Variants in SMG6 observed in about 807,000 individuals in gnomAD.
SMG6 encodes the protein SMG6 nonsense mediated mRNA decay factor.
Under a neutral mutation model 142.2 loss-of-function variants are expected in SMG6, and 66 were observed. That is an observed-to-expected ratio of 0.46 (90% CI 0.38 to 0.57). The LOEUF is 0.57. Ranked by LOEUF, SMG6 falls within the 20% of genes least tolerant of loss-of-function variation. The pLI is 0.00. For synonymous variants in SMG6, 779 were observed against 702.4 expected (o/e 1.11, Z -1.72); for missense variants, 1,793 against 1,832.0 (o/e 0.98, Z 0.39).
At chr17:2,255,812 G>T in intron 8 of SMG6, 1 of 226,822 alleles carries the variant, frequency 4.4e-6, no homozygotes, top group African/African-American at 2.4e-5. Context: ...AGTAGACATG[G>T]GAGACTTTTC....
At chr17:2,148,613 C>G (rs1006062402) in intron 13 of SMG6, among the ~76,000 whole-genome samples, 2 of 152,174 alleles carry the variant, frequency 1.3e-5, no homozygotes, top group Admixed American at 6.5e-5. Context: ...AATCCCAACA[C>G]TTTGAGAGGC....
chr17:2,183,454 A>T (rs1432778611), intron 12 of SMG6, among the ~76,000 whole-genome samples: 1 of 152,148 alleles, frequency 6.6e-6, no homozygotes, highest in East Asian at 1.9e-4. Context: ...TGAAGTCAGC[A>T]AGCTTTTTCT....
At chr17:2,194,050 C>G (rs2151704759) in intron 10 of SMG6, among the ~76,000 whole-genome samples, 1 of 152,308 alleles carries the variant, frequency 6.6e-6, no homozygotes, top group South Asian at 2.1e-4. Flanking sequence ...CTCGGTCTCC[C>G]AAAGTGCTGG....
chr17:2,276,393 G>GT lies in SMG6; in HGVS notation c.2661+6253dup, dbSNP rs149352512. Among the ~76,000 whole-genome samples, 139 of 148,332 alleles carry GT rather than the reference G, an allele frequency of 9.4e-4. 2 individuals carry two copies. Among genetic ancestry groups the GT allele is most frequent in the South Asian group, 4.7e-3 (22 of 4,670 alleles). On this transcript the variant is annotated intron_variant, in intron 8 of 18. Transcript: ENST00000263073. ...CTGCTGTTACAACTGTCCAGCAAACGTTTTTTTTTTGTTTTTGAGTTTTGC... is the reference window on the plus strand; with the variant it reads ...CTGCTGTTACAACTGTCCAGCAAACGTTTTTTTTTTTGTTTTTGAGTTTTGC...
At chr17:2,197,391 G>C (rs371943895) in intron 10 of SMG6, among the ~76,000 whole-genome samples, 1 of 151,342 alleles carries the variant, frequency 6.6e-6, no homozygotes, top group Non-Finnish European at 1.5e-5. Flanking sequence ...TAGCAAGACT[G>C]TGTCTCTAAA....
chr17:2,127,200 C>A (rs570297902), intron 13 of SMG6, among the ~76,000 whole-genome samples: 1 of 141,996 alleles, frequency 7.0e-6, no homozygotes, highest in South Asian at 2.3e-4. Flanking sequence ...GAGATACTTA[C>A]AATAGGGAAA....
rs745877086 is a variant in SMG6 at position 2,300,632 on chromosome 17, G to A, written c.121C>T (p.Arg41Cys). The change falls in exon 2 of 19, where the codon CGC becomes TGC. Residue 41 changes from arginine to cysteine, a missense_variant. Around this residue, in one of 3 missense-constraint regions of SMG6, gnomAD observed 1,597 missense variants for 1,584.6 expected, o/e 1.01. Transcript: ENST00000263073. Reference protein sequence around the residue: ...NMKELKEARPRKDNRRPDLEI... With the variant: ...NMKELKEARPCKDNRRPDLEI... ...AGATCTGGACGCCTGTTATCTTTGCGCGGCCTGGCCTCCTTTAATTCCTTC... is the reference window on the plus strand; with the variant it reads ...AGATCTGGACGCCTGTTATCTTTGCACGGCCTGGCCTCCTTTAATTCCTTC... The A allele has an allele frequency of 2.2e-5, 35 of 1,604,494 alleles. No homozygotes were observed. Among genetic ancestry groups the A allele is most frequent in the Middle Eastern group, 3.3e-4 (2 of 6,026 alleles).
intron 13 of SMG6, among the ~76,000 whole-genome samples, chr17:2,104,641 A>T (rs1306028321): frequency 7.4e-6 from 1 of 134,762 alleles, no homozygotes; most frequent in Non-Finnish European, 1.5e-5. Flanking sequence ...TTGGTGGCCT[A>T]AATATCCCAT....
chr17:2,153,568 C>T lies in SMG6; in HGVS notation c.3357+19090G>A, dbSNP rs1331378231. ...GGTAAACTGGTGGAACGCCACTCCACGCGGTGACTGGGGGAACCTGGGGAT... is the reference window on the plus strand; with the variant it reads ...GGTAAACTGGTGGAACGCCACTCCATGCGGTGACTGGGGGAACCTGGGGAT... On this transcript the variant is annotated intron_variant, in intron 13 of 18. Transcript: ENST00000263073. 2.6e-5 allele frequency among the ~76,000 whole-genome samples: 4 copies of T among 152,152 alleles called. No homozygotes were observed. In the East Asian group the frequency reaches 5.8e-4, roughly 22 times the overall value.
At chr17:2,286,060 C>CT (rs1279944429) in intron 6 of SMG6, among the ~76,000 whole-genome samples, 4 of 152,092 alleles carry the variant, frequency 2.6e-5, no homozygotes, top group African/African-American at 9.7e-5. Context: ...GAATGACATA[C>CT]TTAGGAATAC....
chr17:2,292,341 G>T (rs544938372), intron 6 of SMG6, among the ~76,000 whole-genome samples: 1 of 152,332 alleles, frequency 6.6e-6, no homozygotes, highest in East Asian at 1.9e-4. Flanking sequence ...GAGTGCAGTG[G>T]TAAGTGGAGA....
chr17:2,253,461 C>T (rs761492195), intron 8 of SMG6, among the ~76,000 whole-genome samples: 22 of 152,084 alleles, frequency 1.4e-4, no homozygotes, highest in South Asian at 4.1e-4. Context: ...TCTGCTGATA[C>T]CTGGGCTAAA....
intron 13 of SMG6, among the ~76,000 whole-genome samples, chr17:2,108,505 C>T (rs995431269): frequency 1.3e-5 from 2 of 152,164 alleles, no homozygotes; most frequent in African/African-American, 4.8e-5. Flanking sequence ...CAGGTGCACA[C>T]CTGCAGTCCC....
At chr17:2,140,852 T>C (rs1294098073) in intron 13 of SMG6, among the ~76,000 whole-genome samples, 1 of 152,158 alleles carries the variant, frequency 6.6e-6, no homozygotes, top group Non-Finnish European at 1.5e-5. Context: ...CTTGACAAAC[T>C]GGAATTGCCT....
intron 10 of SMG6, among the ~76,000 whole-genome samples, chr17:2,233,804 C>T (rs1432854066): frequency 1.3e-5 from 2 of 152,178 alleles, no homozygotes; most frequent in African/African-American, 4.8e-5. Context: ...CACCAGCCAG[C>T]CCTGCCGAGC....
chr17:2,092,918 G>A (rs552369309), intron 13 of SMG6, among the ~76,000 whole-genome samples: 90 of 152,298 alleles, frequency 5.9e-4, no homozygotes, highest in African/African-American at 1.9e-3. Flanking sequence ...AATACAGGCC[G>A]GGTGCAGTGG....
chr17:2,130,216 C>T (rs1264313858), intron 13 of SMG6, among the ~76,000 whole-genome samples: 2 of 133,672 alleles, frequency 1.5e-5, no homozygotes, highest in East Asian at 2.1e-4. Flanking sequence ...GCCGAGATTG[C>T]GCCACTGCAG....
At chr17:2,237,458 T>C in intron 9 of SMG6, 1 of 959,188 alleles carries the variant, frequency 1.0e-6, no homozygotes, top group Non-Finnish European at 1.2e-6. Context: ...CTGTTCCGCC[T>C]AACGATCCCA....
chr17:2,243,123 C>T (rs141242640), intron 9 of SMG6, among the ~76,000 whole-genome samples: 1 of 152,054 alleles, frequency 6.6e-6, no homozygotes, highest in Non-Finnish European at 1.5e-5. Context: ...GTGAATGTCT[C>T]CACCTGTTAT....
Sources: allele counts gnomAD v4.1 joint callset (sites outside exome capture counted in the v4.1 genomes callset), GRCh38; gene constraint gnomAD v4.1.1; regional missense constraint gnomAD v4.1.1; transcripts MANE v1.5; gene names NCBI Gene and HGNC (gene_info 2026-07-23, HGNC 2026-07-21).